Variants in GEMIN8 observed in about 807,000 individuals in gnomAD.
GEMIN8 encodes gem-associated protein 8.
For synonymous variants in GEMIN8, 80 were observed against 78.5 expected, an observed-to-expected ratio of 1.02 and a Z score of -0.10; for missense variants, 185 against 205.9, an observed-to-expected ratio of 0.90 and a Z score of 0.62.
At chrX:14,009,702 CTAGGAATGGCTGA>C (rs1337792051) in intron 4 of GEMIN8, among the ~76,000 whole-genome samples, 1 of 112,108 alleles carries the variant, frequency 8.9e-6, no homozygotes, top group Non-Finnish European at 1.9e-5. Context: ...ACCTGCCCAG[CTAGGAATGGCTGA>C]TAGAGCTTGC....
chrX:13,997,314 A>G, the GEMIN8 span, among the ~76,000 whole-genome samples: 25 of 111,044 alleles, frequency 2.3e-4, no homozygotes, highest in African/African-American at 8.2e-4. Context: ...AGCTTGCTGG[A>G]GACATGTGGC....
the GEMIN8 span, among the ~76,000 whole-genome samples, chrX:13,999,616 T>C: frequency 2.7e-5 from 3 of 111,577 alleles, no homozygotes; most frequent in African/African-American, 9.8e-5. Context: ...CTAATATCCT[T>C]TTTCTGCTCC....
intron 1 of GEMIN8, chrX:14,027,107 C>A (rs1398114566): frequency 8.9e-6 from 1 of 112,973 alleles, no homozygotes; most frequent in East Asian, 2.8e-4. Flanking sequence ...TCCAAGGAAT[C>A]TCTCTGTACA....
chrX:14,021,982 A>C (rs1250498843), intron 2 of GEMIN8, among the ~76,000 whole-genome samples: 1 of 100,846 alleles, frequency 9.9e-6, no homozygotes, highest in Non-Finnish European at 2.0e-5. Flanking sequence ...ATGTGTGTAT[A>C]TATAATGTAT....
chrX:14,000,635 T>G, the GEMIN8 span, among the ~76,000 whole-genome samples: 11 of 110,295 alleles, frequency 1.0e-4, no homozygotes, highest in African/African-American at 3.6e-4. Context: ...GATGGAGGGG[T>G]GAGTCCCACA....
downstream of GEMIN8, among the ~76,000 whole-genome samples, chrX:14,004,942 T>C: frequency 8.9e-6 from 1 of 111,811 alleles, no homozygotes; most frequent in East Asian, 2.8e-4. Context: ...GGTTCTCTGG[T>C]TACCAGTGAG....
At chrX:14,014,274 G>A (rs1437967744) in intron 4 of GEMIN8, 29 of 751,207 alleles carry the variant, frequency 3.9e-5, no homozygotes, top group Non-Finnish European at 4.5e-5. Flanking sequence ...GCACAAACTT[G>A]ATGTATGCCA....
the GEMIN8 span, among the ~76,000 whole-genome samples, chrX:14,000,192 G>A: frequency 2.7e-5 from 3 of 110,928 alleles, no homozygotes; most frequent in Non-Finnish European, 5.7e-5. Flanking sequence ...CCAGCTACTT[G>A]GAAGTGTTGA....
At chrX:14,012,081 C>G (rs751724924) in intron 4 of GEMIN8, among the ~76,000 whole-genome samples, 6 of 110,008 alleles carry the variant, frequency 5.5e-5, no homozygotes, top group African/African-American at 2.0e-4. Flanking sequence ...ACACAGCCCT[C>G]TGCTTTTGAT....
At chrX:13,985,603 T>G in the GEMIN8 span, among the ~76,000 whole-genome samples, 1 of 112,414 alleles carries the variant, frequency 8.9e-6, no homozygotes. Flanking sequence ...TTGCTCACTA[T>G]AGTTTCCTTA....
At chrX:13,990,287 G>A in the GEMIN8 span, among the ~76,000 whole-genome samples, 1 of 112,531 alleles carries the variant, frequency 8.9e-6, no homozygotes, top group African/African-American at 3.2e-5. Flanking sequence ...GAAAACAAAG[G>A]CAGCCAGAAA....
chrX:14,012,851 G>A (rs1224823231), intron 4 of GEMIN8, among the ~76,000 whole-genome samples: 2 of 94,037 alleles, frequency 2.1e-5, no homozygotes, highest in Non-Finnish European at 4.4e-5. Context: ...CCAGGCAGAG[G>A]GGCTATGGGG....
chrX:14,014,157 T>TG, intron 4 of GEMIN8: 1 of 752,950 alleles, frequency 1.3e-6, no homozygotes, highest in Non-Finnish European at 1.6e-6. Context: ...AGGCAGCAAG[T>TG]GGCAAAGAAT....
the GEMIN8 span, among the ~76,000 whole-genome samples, chrX:13,999,571 C>T: frequency 1.6e-4 from 18 of 111,674 alleles, 1 homozygote; most frequent in African/African-American, 5.5e-4. Context: ...CCACTGCGCC[C>T]GGCCGGCTGT....
the GEMIN8 span, among the ~76,000 whole-genome samples, chrX:13,984,719 A>G: frequency 9.0e-6 from 1 of 111,096 alleles, no homozygotes; most frequent in South Asian, 3.8e-4. Context: ...ACACTAGGCA[A>G]GTGGGAAGAT....
chrX:14,010,112 T>C (rs565842482), intron 4 of GEMIN8, among the ~76,000 whole-genome samples: 30 of 112,037 alleles, frequency 2.7e-4, no homozygotes, highest in African/African-American at 9.0e-4. Flanking sequence ...CTACGGGATT[T>C]GACTTTCCAC....
downstream of GEMIN8, among the ~76,000 whole-genome samples, chrX:14,002,168 A>G (rs1922992323): frequency 9.4e-6 from 1 of 106,903 alleles, no homozygotes; most frequent in Non-Finnish European, 1.9e-5. Flanking sequence ...AATTTCTCAC[A>G]TTCTGGATTT....
chrX:14,012,292 ATTT>A (rs63295862), intron 4 of GEMIN8, among the ~76,000 whole-genome samples: 8 of 96,388 alleles, frequency 8.3e-5, no homozygotes, highest in Admixed American at 1.1e-4. Flanking sequence ...TAATTTTTGT[ATTT>A]TTTTTTTTTT....
chrX:13,997,035 G>A, the GEMIN8 span, among the ~76,000 whole-genome samples: 2 of 100,262 alleles, frequency 2.0e-5, no homozygotes, highest in East Asian at 3.3e-4. Context: ...TCCACCTCCC[G>A]GGTTCAAGCG....
Sources: allele counts gnomAD v4.1 joint callset (sites outside exome capture counted in the v4.1 genomes callset), GRCh38; gene constraint gnomAD v4.1.1; transcripts MANE v1.5; gene names NCBI Gene and HGNC (gene_info 2026-07-23, HGNC 2026-07-21).